Variants in ODAPH observed in about 807,000 individuals in gnomAD.
ODAPH encodes the protein amelogenesis imperfecta type IIA4.
ODAPH carries 2 observed loss-of-function variants against 2.8 expected under a neutral mutation model. The observed-to-expected ratio is 0.72, with a 90% confidence interval of 0.30 to 2.28. ODAPH has a LOEUF of 2.28. ODAPH is among the 30% of genes most tolerant of loss of function. ODAPH has a pLI of 0.13. For missense variants in ODAPH, 159 were observed against 163.3 expected, an observed-to-expected ratio of 0.97 and a Z score of 0.14; for synonymous variants, 75 against 60.3, an observed-to-expected ratio of 1.24 and a Z score of -1.13.
intron 1 of ODAPH, among the ~76,000 whole-genome samples, chr4:75,561,377 A>T (rs1727572317): frequency 1.3e-5 from 2 of 152,142 alleles, no homozygotes; most frequent in South Asian, 4.1e-4. Flanking sequence ...GTCTCAATCT[A>T]GTTTCAGTTT....
At position 75,564,512 on chromosome 4, in the gene ODAPH, C is replaced by T. The variant is rs188735683; in HGVS notation, c.*73C>T. 181 of 1,611,648 alleles carry T rather than the reference C, an allele frequency of 1.1e-4. 2 individuals carry two copies. The African/African-American group carries it at 2.0e-3, about 18-fold the overall frequency. Reference sequence around the variant, plus strand: ...TCAGAAAAAAGCAACAAAAAGATTTCTGTTTTATCTTTCGAAACTAAAACT... The same window carrying T: ...TCAGAAAAAAGCAACAAAAAGATTTTTGTTTTATCTTTCGAAACTAAAACT... On this transcript the variant is annotated 3_prime_UTR_variant, in exon 2 of 2. Transcript: ENST00000311623.
At position 75,564,489 on chromosome 4, in the gene ODAPH, A is replaced by G. The variant is rs964917900; in HGVS notation, c.*50A>G. 1.2e-6 allele frequency: 2 copies of G among 1,613,260 alleles called. No homozygotes were observed. The highest frequency in any genetic ancestry group is 1.3e-5 in the African/African-American group (1 of 74,984). On this transcript the variant is annotated 3_prime_UTR_variant, in exon 2 of 2. Coordinates refer to ENST00000311623, the MANE Select transcript of ODAPH (RefSeq NM_178497.5). ...TGAAGCAAAAAAAAGCCTATCCTTC[A>G]GAAAAAAGCAACAAAAAGATTTCTG...
At chr4:75,556,446 G>T (rs1181178201) in intron 1 of ODAPH, 2 of 1,025,734 alleles carry the variant, frequency 1.9e-6, no homozygotes, top group Non-Finnish European at 2.9e-6. Flanking sequence ...AGGACCAAAT[G>T]AGCTATCATC....
At chr4:75,562,416 C>T (rs1003132189) in intron 1 of ODAPH, among the ~76,000 whole-genome samples, 30 of 151,204 alleles carry the variant, frequency 2.0e-4, no homozygotes, top group Middle Eastern at 3.4e-3. Context: ...CTCGGCTCAC[C>T]GCAACCTCCA....
intron 1 of ODAPH, chr4:75,563,326 AAAATCCG>A (rs996886956): frequency 1.2e-5 from 1 of 86,098 alleles, no homozygotes; most frequent in Non-Finnish European, 2.5e-5. Context: ...GCGCCCGGCC[AAAATCCG>A]CACATCTTAA....
At chr4:75,558,525 A>AAG (rs1181171023) in intron 1 of ODAPH, among the ~76,000 whole-genome samples, 1 of 151,342 alleles carries the variant, frequency 6.6e-6, no homozygotes, top group Non-Finnish European at 1.5e-5. Flanking sequence ...AAAAAAAAAA[A>AAG]GGTCTTTCAT....
rs1208426249 is a variant in ODAPH at position 75,563,020 on chromosome 4, T to G, written c.68-1094T>G. On this transcript the variant is annotated intron_variant, in intron 1 of 1. Transcript: ENST00000311623. ...ATCCACACATCTTTTTTTTTTTTTT[T>G]TTTTTTTTTTTTTTTTTTTTTTGAG... Among the ~76,000 whole-genome samples, 520 of 106,210 alleles carry G rather than the reference T, an allele frequency of 4.9e-3. 3 individuals carry two copies. Among genetic ancestry groups the G allele is most frequent in the African/African-American group, 0.017 (466 of 27,692 alleles). 69.7% of individuals were successfully genotyped at this position (106,210 alleles called of 152,430 possible).
chr4:75,565,669 T>A (rs888177706), downstream of ODAPH: 1 of 152,176 alleles, frequency 6.6e-6, no homozygotes, highest in Non-Finnish European at 1.5e-5. Flanking sequence ...ACATAAGAAC[T>A]TTAGTTCTGC....
At position 75,564,421 on chromosome 4, in the gene ODAPH, C is replaced by G. The variant is rs377354901; in HGVS notation, c.375C>G (p.Ser125Arg). Residue 125 changes from serine (S) to arginine (R), a missense_variant, in exon 2 of 2, where the codon AGC (serine) becomes AGG (arginine). Transcript: ENST00000311623. ...YFPRRRLQRG[S>R]SSEES ...CCAGAAGAAGACTCCAGAGAGGAAG[C>G]TCATCTGAGGAAAGCTGAGAGGGAA... 128 of 1,614,050 alleles carry G rather than the reference C, an allele frequency of 7.9e-5. No individual in the cohort carries two copies. Among genetic ancestry groups the G allele is most frequent in the Non-Finnish European group, 9.8e-5 (116 of 1,180,032 alleles).
rs972909679 is a variant in ODAPH at position 75,564,761 on chromosome 4, C to T, written c.*322C>T. On this transcript the variant is annotated 3_prime_UTR_variant, in exon 2 of 2. Coordinates refer to ENST00000311623, the MANE Select transcript of ODAPH (RefSeq NM_178497.5). ...TCCATACTAAGATGCTGAGAGAATC[C>T]ATCTCCTCCTCTAAATTAAACAGGA... 5 of 526,108 alleles carry T rather than the reference C, an allele frequency of 9.5e-6. No individual in the cohort carries two copies. The highest frequency in any genetic ancestry group is 1.7e-5 in the Non-Finnish European group (5 of 297,450). The allele number at this position is 526,108 out of a possible 1,614,324, so 32.6% of individuals were successfully genotyped here.
rs139130623 is a variant in ODAPH at position 75,564,196 on chromosome 4, T to C, written c.150T>C (p.Pro50=). 6.9e-5 allele frequency: 111 copies of C among 1,613,984 alleles called. No homozygotes were observed. The highest frequency in any genetic ancestry group is 3.3e-4 in the Middle Eastern group (2 of 6,084). The change falls in exon 2 of 2, where the codon CCT becomes CCC. Residue 50 remains proline (P), a synonymous_variant. Coordinates refer to ENST00000311623, the MANE Select transcript of ODAPH (RefSeq NM_178497.5). ...ACTGCCAGATCTTTACACTCACCCCTCCACCTGCCCCGAGGAGTCCGGTCA... is the reference window on the plus strand; with the variant it reads ...ACTGCCAGATCTTTACACTCACCCCCCCACCTGCCCCGAGGAGTCCGGTCA... ...ATDCQIFTLT[P]PPAPRSPVTR...
intron 1 of ODAPH, among the ~76,000 whole-genome samples, chr4:75,560,880 G>C (rs1727535787): frequency 6.6e-6 from 1 of 152,142 alleles, no homozygotes; most frequent in Non-Finnish European, 1.5e-5. Flanking sequence ...TCAAGGCCTC[G>C]TTAAGCCTGA....
chr4:75,563,056 G>A (rs1289838764), intron 1 of ODAPH, among the ~76,000 whole-genome samples: 10 of 101,434 alleles, frequency 9.9e-5, no homozygotes, highest in Admixed American at 1.6e-4. Context: ...ACAGAGTCTC[G>A]CTCTGTCAGC....
At chr4:75,561,249 A>ACTAGCTT (rs1373400432) in intron 1 of ODAPH, among the ~76,000 whole-genome samples, 1 of 144,870 alleles carries the variant, frequency 6.9e-6, no homozygotes, top group Non-Finnish European at 1.5e-5. Flanking sequence ...AAAAAACGAG[A>ACTAGCTT]CTAGCTTCTC....
At chr4:75,561,108 C>T in intron 1 of ODAPH, among the ~76,000 whole-genome samples, 1 of 151,264 alleles carries the variant, frequency 6.6e-6, no homozygotes, top group East Asian at 2.0e-4. Context: ...CCTGTAGTCC[C>T]GGCTACTCGG....
Position 75,556,074 on chromosome 4 carries a change from G to A in ODAPH, c.-9G>A, listed in dbSNP as rs770012407. On this transcript the variant is annotated 5_prime_UTR_variant, in exon 1 of 2. Transcript: ENST00000311623. ...TCAGGTTCAACGCAGTGACTGCTCA[G>A]TAGAAGCCATGGCTCGCAGACACTG... is the stretch of plus-strand genomic sequence containing the variant. 8.1e-6 allele frequency: 13 copies of A among 1,613,990 alleles called. No individual in the cohort carries two copies. In the South Asian group the frequency reaches 1.4e-4, roughly 18 times the overall value.
chr4:75,560,907 C>G (rs1296770940), intron 1 of ODAPH, among the ~76,000 whole-genome samples: 2 of 152,146 alleles, frequency 1.3e-5, no homozygotes, highest in Non-Finnish European at 2.9e-5. Flanking sequence ...AGCAAAATGT[C>G]AAGATGGGGC....
rs1727751090 is a variant in ODAPH at position 75,564,803 on chromosome 4, T to A, written c.*364T>A. The A allele has an allele frequency of 2.3e-6, 1 of 440,994 alleles. No homozygotes were observed. The highest frequency in any genetic ancestry group is 2.3e-5 in the South Asian group (1 of 43,304). The allele number at this position is 440,994 out of a possible 1,614,324, so 27.3% of individuals were successfully genotyped here. ...TAAACAGGATTTAAATAAATTGAGA[T>A]CATTATAAACCACACGAAGAAACTG... is the stretch of plus-strand genomic sequence containing the variant. On this transcript the variant is annotated 3_prime_UTR_variant, in exon 2 of 2. Coordinates refer to ENST00000311623, the MANE Select transcript of ODAPH (RefSeq NM_178497.5).
intron 1 of ODAPH, chr4:75,556,669 C>G: frequency 1.0e-6 from 1 of 979,314 alleles, no homozygotes; most frequent in Non-Finnish European, 1.5e-6. Flanking sequence ...GCACAGGTTT[C>G]TTTCTTTAGG....
Sources: allele counts gnomAD v4.1 joint callset (sites outside exome capture counted in the v4.1 genomes callset), GRCh38; gene constraint gnomAD v4.1.1; transcripts MANE v1.5; gene names NCBI Gene and HGNC (gene_info 2026-07-23, HGNC 2026-07-21).